INTS13: variants seen among roughly 807,000 people sequenced by gnomAD.
INTS13 encodes the protein asunder, spermatogenesis regulator homolog (Drosphila).
A neutral mutation model predicts 90.2 loss-of-function variants in INTS13; 35 were observed. That is an observed-to-expected ratio of 0.39 (90% CI 0.30 to 0.51). The LOEUF (loss-of-function observed/expected upper bound fraction) is 0.51. INTS13 is among the 20% of genes least tolerant of loss of function. The pLI, the probability that INTS13 is intolerant of heterozygous loss-of-function variation, is 0.80. For missense variants in INTS13, 601 were observed against 851.2 expected (o/e 0.71, Z 3.66); for synonymous variants, 309 against 277.1 (o/e 1.11, Z -1.14).
intron 15 of INTS13, among the ~76,000 whole-genome samples, chr12:26,908,136 G>A (rs1440127471): frequency 1.3e-5 from 2 of 152,168 alleles, no homozygotes; most frequent in East Asian, 3.9e-4. Flanking sequence ...ATTACAGGGA[G>A]CACAATTATA....
intron 1 of INTS13, chr12:26,937,524 G>C (rs1938535891): frequency 6.6e-6 from 1 of 152,272 alleles, no homozygotes; most frequent in Admixed American, 6.5e-5. Flanking sequence ...TTAAAACAGA[G>C]CATACGGTAC....
At position 26,905,202 on chromosome 12, in the gene INTS13, A is replaced by T. The variant is rs1220436079; in HGVS notation, c.*295T>A. On this transcript the variant is annotated 3_prime_UTR_variant, in exon 17 of 17. Transcript: ENST00000261191. The stretch of plus-strand genomic sequence containing the variant: ...AATGTTTTGCATTTCAAATATTTTA[A>T]TAGTTTTATTTCGCAAAGAGAAGCC... 1 of 260,472 alleles carries T rather than the reference A, an allele frequency of 3.8e-6. No homozygotes were observed. Among genetic ancestry groups the T allele is most frequent in the Non-Finnish European group, 7.1e-6 (1 of 140,328 alleles). 16.1% of individuals were successfully genotyped at this position (260,472 alleles called of 1,614,324 possible).
chr12:26,917,346 A>G lies in INTS13; in HGVS notation c.1069+6T>C. 7.9e-7 allele frequency: 1 copy of G among 1,257,954 alleles called. No homozygotes were observed. Among genetic ancestry groups the G allele is most frequent in the Non-Finnish European group, 1.1e-6 (1 of 908,796 alleles). The allele number at this position is 1,257,954 out of a possible 1,614,324, so 77.9% of individuals were successfully genotyped here. Reference sequence around the variant, plus strand: ...TCAGTCAAAACCATTAAATAATTAAAGTTACCATTTAGAAGAAAATTAGTA... The same window carrying G: ...TCAGTCAAAACCATTAAATAATTAAGGTTACCATTTAGAAGAAAATTAGTA... On this transcript the variant is annotated splice_donor_region_variant and intron_variant, in intron 10 of 16. Transcript: ENST00000261191.
chr12:26,929,589 A>T (rs956506432), intron 3 of INTS13, among the ~76,000 whole-genome samples: 1 of 151,746 alleles, frequency 6.6e-6, no homozygotes, highest in Admixed American at 6.6e-5. Flanking sequence ...CTAAAAAATC[A>T]GCTAGGTGGG....
chr12:26,936,266 A>C (rs1262747894), intron 2 of INTS13, among the ~76,000 whole-genome samples: 1 of 152,226 alleles, frequency 6.6e-6, no homozygotes, highest in Non-Finnish European at 1.5e-5. Context: ...ACTGGTTGTT[A>C]CATACTTTGA....
intron 5 of INTS13, 99 bp downstream of exon 5, chr12:26,928,106 G>T (rs1937984439): frequency 1.2e-6 from 1 of 815,002 alleles, no homozygotes; most frequent in South Asian, 2.4e-5. Flanking sequence ...TGAGTCAATA[G>T]AGAATTCAGG....
chr12:26,934,709 T>C (rs1938371420), intron 2 of INTS13, 79 bp from the exon 3 acceptor site: 2 of 1,006,588 alleles, frequency 2.0e-6, no homozygotes, highest in African/African-American at 3.2e-5. Context: ...TAATATGCAA[T>C]TTGTAACACT....
At position 26,925,856 on chromosome 12, in the gene INTS13, A is replaced by T. The variant is rs868190657; in HGVS notation, c.585-5T>A. On this transcript the variant is annotated splice_polypyrimidine_tract_variant and splice_region_variant and intron_variant, in intron 5 of 16. Transcript: ENST00000261191. The stretch of plus-strand genomic sequence containing the variant: ...CATTTTTGAATCTGCATGAGACTTA[A>T]AGAGAAATTTTTGACTTAAAATTTA... The T allele has an allele frequency of 3.1e-6, 5 of 1,608,408 alleles. No individual in the cohort carries two copies. The Middle Eastern group carries it at 6.6e-4, about 213-fold the overall frequency.
chr12:26,934,094 CT>C (rs1217941543), intron 3 of INTS13, among the ~76,000 whole-genome samples: 2 of 152,058 alleles, frequency 1.3e-5, no homozygotes, highest in Non-Finnish European at 2.9e-5. Context: ...GCCAACATGG[CT>C]AAACCCTATT....
chr12:26,933,745 G>C (rs554067872), intron 3 of INTS13, among the ~76,000 whole-genome samples: 1 of 152,198 alleles, frequency 6.6e-6, no homozygotes, highest in Non-Finnish European at 1.5e-5. Flanking sequence ...TTCCTCAGGG[G>C]ACAAAATCAA....
At chr12:26,924,563 C>A in intron 6 of INTS13, 80 bp from the exon 7 acceptor site, 1 of 1,372,122 alleles carries the variant, frequency 7.3e-7, no homozygotes, top group Non-Finnish European at 9.8e-7. Context: ...TAGTATAAAT[C>A]CATTAAAATT....
At chr12:26,909,678 T>C (rs1951718286) in intron 15 of INTS13, among the ~76,000 whole-genome samples, 1 of 152,180 alleles carries the variant, frequency 6.6e-6, no homozygotes, top group Admixed American at 6.5e-5. Context: ...AGAAATAATT[T>C]ATCAAAAAAC....
At chr12:26,924,548 T>C (rs1461331735) in intron 6 of INTS13, 65 bp from the exon 7 acceptor site, 3 of 1,478,436 alleles carry the variant, frequency 2.0e-6, no homozygotes, top group Non-Finnish European at 2.8e-6. Flanking sequence ...TACTGCTAAA[T>C]ATTTTAGTAT....
In INTS13 at chr12:26,917,404, A is replaced by G; in HGVS notation, c.1017T>C (p.Pro339=). The part of the protein sequence containing the change: ...HYCTGAYRIS[P]VDVNSRPSSC... The stretch of plus-strand genomic sequence containing the variant: ...AGGAAGGTCTACTATTTACATCTAC[A>G]GGTGAAATCCGATAAGCTCCAGTAC... The change falls in exon 10 of 17, where the codon CCT becomes CCC. Residue 339 remains proline, a synonymous_variant. Coordinates refer to ENST00000261191, the MANE Select transcript of INTS13 (RefSeq NM_018164.3). 6.3e-7 allele frequency: 1 copy of G among 1,575,192 alleles called. No individual in the cohort carries two copies.
intron 2 of INTS13, among the ~76,000 whole-genome samples, chr12:26,936,362 T>C (rs1264276006): frequency 1.3e-5 from 2 of 152,250 alleles, no homozygotes; most frequent in Non-Finnish European, 2.9e-5. Flanking sequence ...CTTTGAAATA[T>C]GTCTGGCACA....
At chr12:26,923,592 T>C (rs1486565171) in intron 7 of INTS13, among the ~76,000 whole-genome samples, 2 of 152,174 alleles carry the variant, frequency 1.3e-5, no homozygotes, top group African/African-American at 4.8e-5. Context: ...TGAAGCTTAC[T>C]ATGGGCCGGG....
At chr12:26,905,687 C>T in intron 16 of INTS13, 151 bp from the exon 17 acceptor site, 1 of 727,484 alleles carries the variant, frequency 1.4e-6, no homozygotes, top group South Asian at 2.2e-5. Flanking sequence ...GTTCCTCTAG[C>T]TAGGCCAATT....
rs1951615179 is a variant in INTS13 at position 26,906,492 on chromosome 12, CCAAAT to C, written c.1946-60_1946-56del. ...AAAAAGATAGAATAATTTATTATTTCCAAATTTCCAAATTTCCAAACTTACCTTTA... is the reference window on the plus strand; with the variant it reads ...AAAAAGATAGAATAATTTATTATTTCTTCCAAATTTCCAAACTTACCTTTA... On this transcript the variant is annotated intron_variant, in intron 15 of 16. Transcript: ENST00000261191. 4.1e-5 allele frequency: 62 copies of C among 1,495,288 alleles called. No individual in the cohort carries two copies. In the Middle Eastern group the frequency reaches 7.1e-4, roughly 17 times the overall value. 92.6% of individuals were successfully genotyped at this position (1,495,288 alleles called of 1,614,324 possible).
At chr12:26,918,072 C>A (rs146108515) in intron 8 of INTS13, among the ~76,000 whole-genome samples, 1,710 of 151,878 alleles carry the variant, frequency 0.011, 27 homozygotes, top group African/African-American at 0.039. Flanking sequence ...CGGTGAGCTG[C>A]GATCACGACA....
Sources: gnomAD v4.1 joint callset for allele counts (sites outside exome capture counted in the v4.1 genomes callset) on GRCh38, gnomAD v4.1.1 for gene constraint, MANE v1.5 for transcripts, NCBI Gene and HGNC (gene_info 2026-07-23, HGNC 2026-07-21) for gene names.